The following TBC1D32 variants were observed in gnomAD, a reference collection of about 807,000 sequenced individuals.
TBC1D32 encodes TBC1 domain family member 32.
In TBC1D32, 151 loss-of-function variants were observed where a neutral mutation model predicts 170.3. The ratio of observed to expected loss-of-function variants is 0.89; its 90% CI spans 0.78 to 1.01. TBC1D32 has a LOEUF of 1.01. TBC1D32 is among the 50% of genes least tolerant of loss of function. TBC1D32 has a pLI of 0.00. For missense variants in TBC1D32, 1,464 were observed against 1,457.1 expected (o/e 1.00, Z -0.08); for synonymous variants, 498 against 488.0 (o/e 1.02, Z -0.27).
intron 21 of TBC1D32, among the ~76,000 whole-genome samples, chr6:121,218,858 T>C (rs904315288): frequency 6.6e-6 from 1 of 152,152 alleles, no homozygotes; most frequent in Non-Finnish European, 1.5e-5. Context: ...CCCCCTTTGC[T>C]CAGCACTTCT....
At position 121,256,037 on chromosome 6, in the gene TBC1D32, G is replaced by A. The variant is rs760375684; in HGVS notation, c.1935+47C>T. On this transcript the variant is annotated intron_variant, in intron 16 of 31. Transcript: ENST00000398212. Reference sequence around the variant, plus strand: ...CAACACTATAATGGTGCTTATATTTGAAATAAAGATTTGCAGGGAGAAAAA... The same window carrying A: ...CAACACTATAATGGTGCTTATATTTAAAATAAAGATTTGCAGGGAGAAAAA... 1.4e-5 allele frequency: 21 copies of A among 1,501,580 alleles called. No individual in the cohort carries two copies. In the East Asian group the frequency reaches 4.7e-4, roughly 34 times the overall value. The allele number at this position is 1,501,580 out of a possible 1,614,324, so 93.0% of individuals were successfully genotyped here.
At chr6:121,286,376 G>C (rs1803828548) in intron 12 of TBC1D32, among the ~76,000 whole-genome samples, 1 of 152,178 alleles carries the variant, frequency 6.6e-6, no homozygotes, top group Non-Finnish European at 1.5e-5. Flanking sequence ...TCAACTGGAA[G>C]AAACGGTATC....
intron 30 of TBC1D32, among the ~76,000 whole-genome samples, chr6:121,095,237 C>T (rs563879752): frequency 1.6e-4 from 24 of 152,084 alleles, no homozygotes; most frequent in Non-Finnish European, 3.1e-4. Flanking sequence ...CCACAGCTTT[C>T]CTAGGCAATT....
In TBC1D32 at chr6:121,180,769, A is replaced by G. The variant is rs116971421; in HGVS notation, c.2571-19713T>C. On this transcript the variant is annotated intron_variant, in intron 22 of 31. Transcript: ENST00000398212. Reference sequence around the variant, plus strand: ...GCTAAAAAGCTTCTGTGCAGTAAAGAAAACAGTGGACAAACTGAAGAGACA... The same window carrying G: ...GCTAAAAAGCTTCTGTGCAGTAAAGGAAACAGTGGACAAACTGAAGAGACA... Among the ~76,000 whole-genome samples the G allele has an allele frequency of 6.3e-4, 96 of 152,258 alleles. No individual in the cohort carries two copies. The East Asian group carries it at 0.019, about 29-fold the overall frequency.
At position 121,255,542 on chromosome 6, in the gene TBC1D32, C is replaced by G. The variant is rs1031277092; in HGVS notation, c.1936-132G>C. Reference sequence around the variant, plus strand: ...TATTTTATATTTCTTACTGATAGCACTACCCATAAGATTTCTTATGTTGCA... The same window carrying G: ...TATTTTATATTTCTTACTGATAGCAGTACCCATAAGATTTCTTATGTTGCA... On this transcript the variant is annotated intron_variant, in intron 16 of 31. Coordinates refer to ENST00000398212, the MANE Select transcript of TBC1D32 (RefSeq NM_152730.6). 2.5e-5 allele frequency: 4 copies of G among 158,546 alleles called. No individual in the cohort carries two copies. In the Admixed American group the frequency reaches 3.4e-4, roughly 13 times the overall value. 9.8% of individuals were successfully genotyped at this position (158,546 alleles called of 1,614,324 possible).
At chr6:121,152,800 G>A (rs1376471567) in intron 24 of TBC1D32, among the ~76,000 whole-genome samples, 3 of 152,108 alleles carry the variant, frequency 2.0e-5, no homozygotes, top group East Asian at 3.9e-4. Flanking sequence ...TTTGGCTACT[G>A]ATACTTGTGT....
At chr6:121,285,189 T>C (rs937591522) in intron 12 of TBC1D32, among the ~76,000 whole-genome samples, 3 of 152,156 alleles carry the variant, frequency 2.0e-5, no homozygotes, top group African/African-American at 7.2e-5. Flanking sequence ...CCAGATTCAA[T>C]GATTCACTAA....
chr6:121,178,085 G>A (rs759651286), intron 22 of TBC1D32, among the ~76,000 whole-genome samples: 6 of 152,160 alleles, frequency 3.9e-5, no homozygotes, highest in Admixed American at 6.5e-5. Context: ...GTGCCAGCAG[G>A]GGAAATGCCA....
chr6:121,311,840 A>G (rs945680431), intron 3 of TBC1D32, among the ~76,000 whole-genome samples: 3 of 152,192 alleles, frequency 2.0e-5, no homozygotes, highest in Non-Finnish European at 4.4e-5. Context: ...TGTGGAAGAC[A>G]GCGTGGCTAT....
intron 24 of TBC1D32, among the ~76,000 whole-genome samples, chr6:121,156,765 TG>T (rs1784946321): frequency 6.6e-6 from 1 of 152,180 alleles, no homozygotes; most frequent in Non-Finnish European, 1.5e-5. Context: ...TTAATTTCAT[TG>T]TTCACTCAAG....
At chr6:121,097,148 A>G (rs1353922285) in intron 30 of TBC1D32, among the ~76,000 whole-genome samples, 1 of 152,204 alleles carries the variant, frequency 6.6e-6, no homozygotes, top group Non-Finnish European at 1.5e-5. Flanking sequence ...CAAGGACTTC[A>G]TGACTAAAAC....
chr6:121,310,029 T>C (rs117428267), intron 4 of TBC1D32, among the ~76,000 whole-genome samples: 2,496 of 151,868 alleles, frequency 0.016, 67 homozygotes, highest in East Asian at 0.091. Context: ...AGTAAGACCC[T>C]ATCTTAAATA....
intron 2 of TBC1D32, among the ~76,000 whole-genome samples, chr6:121,319,401 G>A (rs1583737677): frequency 6.6e-6 from 1 of 152,060 alleles, no homozygotes; most frequent in Admixed American, 6.6e-5. Context: ...AAAAAACAGG[G>A]AAACAAAACA....
At chr6:121,093,646 C>T (rs1777071329) in intron 30 of TBC1D32, among the ~76,000 whole-genome samples, 1 of 152,070 alleles carries the variant, frequency 6.6e-6, no homozygotes, top group Non-Finnish European at 1.5e-5. Flanking sequence ...GGAAAGTCAC[C>T]CTAGAATCTG....
intron 12 of TBC1D32, among the ~76,000 whole-genome samples, chr6:121,288,602 A>G (rs1169840644): frequency 1.3e-5 from 2 of 152,082 alleles, no homozygotes; most frequent in African/African-American, 2.4e-5. Flanking sequence ...CATTCCTTCT[A>G]AAACTATTCC....
At chr6:121,214,657 T>C (rs544628793) in intron 21 of TBC1D32, among the ~76,000 whole-genome samples, 2 of 152,264 alleles carry the variant, frequency 1.3e-5, no homozygotes, top group African/African-American at 4.8e-5. Flanking sequence ...GTCACAGCCA[T>C]GGATCAAGGA....
intron 25 of TBC1D32, among the ~76,000 whole-genome samples, chr6:121,131,238 G>A (rs1039311789): frequency 6.6e-6 from 1 of 151,432 alleles, no homozygotes; most frequent in African/African-American, 2.4e-5. Context: ...AATTTCCTTA[G>A]GAGTCACTAA....
At position 121,308,672 on chromosome 6, in the gene TBC1D32, C is replaced by T. The variant is rs909453449; in HGVS notation, c.565-571G>A. 5.5e-5 allele frequency among the ~76,000 whole-genome samples: 7 copies of T among 126,946 alleles called. 1 individual carries two copies. Among genetic ancestry groups the T allele is most frequent in the Non-Finnish European group, 1.1e-4 (7 of 63,388 alleles). The allele number at this position is 126,946 out of a possible 152,430, so 83.3% of individuals were successfully genotyped here. A position where few individuals can be genotyped will look rare whatever the true frequency, so the allele number is the denominator to read the frequency against. On this transcript the variant is annotated intron_variant, in intron 4 of 31. Transcript: ENST00000398212. The stretch of plus-strand genomic sequence containing the variant: ...GCAAAATTGTATTTCTGTATTTTCA[C>T]AGAAAGCTTACTTCTTTTTTTTTTT...
chr6:121,082,345 A>T (rs1458827725), intron 31 of TBC1D32, among the ~76,000 whole-genome samples: 1 of 152,086 alleles, frequency 6.6e-6, no homozygotes, highest in African/African-American at 2.4e-5. Flanking sequence ...GGATCAGAGT[A>T]AGAACAATCC....
Sources: allele counts gnomAD v4.1 joint callset (sites outside exome capture counted in the v4.1 genomes callset), GRCh38; gene constraint gnomAD v4.1.1; transcripts MANE v1.5; gene names NCBI Gene and HGNC (gene_info 2026-07-23, HGNC 2026-07-21).